CFAP298: variants seen among roughly 807,000 people sequenced by gnomAD.
The protein encoded by CFAP298 is cilia- and flagella-associated protein 298.
Under a neutral mutation model 41.0 loss-of-function variants are expected in CFAP298, and 38 were observed. The ratio of observed to expected loss-of-function variants is 0.93; its 90% CI spans 0.72 to 1.22. The LOEUF (loss-of-function observed/expected upper bound fraction) is 1.22, where lower values mean the gene tolerates loss of function less well. Ranked by LOEUF, CFAP298 falls within the 50% of genes most tolerant of loss-of-function variation. The pLI, the probability that CFAP298 is intolerant of heterozygous loss-of-function variation, is 0.00. For missense variants in CFAP298, 348 were observed against 360.3 expected (o/e 0.97, Z 0.28); for synonymous variants, 137 against 135.3 (o/e 1.01, Z -0.09).
intron 4 of CFAP298, 89 bp from the exon 5 acceptor site, chr21:32,603,381 C>T: frequency 1.4e-6 from 2 of 1,427,604 alleles, no homozygotes; most frequent in Non-Finnish European, 1.9e-6. Context: ...GGGCAGGGGA[C>T]AGATTTCTCC....
intron 1 of CFAP298, among the ~76,000 whole-genome samples, chr21:32,610,396 G>C (rs1210921328): frequency 6.6e-6 from 1 of 152,104 alleles, no homozygotes; most frequent in Non-Finnish European, 1.5e-5. Context: ...GTAGAGACTG[G>C]GTTTCACCAT....
At chr21:32,609,611 A>G (rs529323580) in intron 2 of CFAP298, among the ~76,000 whole-genome samples, 1 of 152,318 alleles carries the variant, frequency 6.6e-6, no homozygotes, top group African/African-American at 2.4e-5. Flanking sequence ...CTAAAAATAC[A>G]AAAATTAGTC....
intron 3 of CFAP298, 163 bp from the exon 4 acceptor site, chr21:32,604,446 A>C: frequency 1.4e-6 from 1 of 725,186 alleles, no homozygotes; most frequent in East Asian, 2.7e-5. Context: ...GGGCTGAGCG[A>C]AGCACACCGT....
At chr21:32,604,756 T>C (rs989003063) in intron 3 of CFAP298, among the ~76,000 whole-genome samples, 1 of 152,250 alleles carries the variant, frequency 6.6e-6, no homozygotes, top group Admixed American at 6.5e-5. Flanking sequence ...AGCTGAAGTT[T>C]GTTTTTGAAT....
chr21:32,603,384 A>C, intron 4 of CFAP298, 92 bp from the exon 5 acceptor site: 1 of 1,418,392 alleles, frequency 7.1e-7, no homozygotes, highest in Non-Finnish European at 9.7e-7. Context: ...CAGGGGACAG[A>C]TTTCTCCCCG....
chr21:32,609,739 T>A (rs1008944644), intron 2 of CFAP298, 99 bp downstream of exon 2: 4 of 1,120,284 alleles, frequency 3.6e-6, no homozygotes, highest in Non-Finnish European at 5.1e-6. Flanking sequence ...CACTCCAGCC[T>A]GGGCTAGAGC....
chr21:32,606,323 G>A (rs2038866067), intron 3 of CFAP298, among the ~76,000 whole-genome samples: 1 of 152,218 alleles, frequency 6.6e-6, no homozygotes, highest in African/African-American at 2.4e-5. Context: ...TCTGCAGAGG[G>A]TGGAATTTGC....
In CFAP298 at chr21:32,601,422, C is replaced by T. The variant is rs1182021758; in HGVS notation, c.*441G>A. Among the ~76,000 whole-genome samples the T allele has an allele frequency of 2.6e-5, 4 of 151,510 alleles. No homozygotes were observed. The highest frequency in any genetic ancestry group is 4.4e-5 in the Non-Finnish European group (3 of 67,892). ...ACGCCATTCTCCTGCCTCAGCCTCCCGAGTAGCTGGGACTACAGGCGCCTG... is the reference window on the plus strand; with the variant it reads ...ACGCCATTCTCCTGCCTCAGCCTCCTGAGTAGCTGGGACTACAGGCGCCTG... On this transcript the variant is annotated 3_prime_UTR_variant, in exon 7 of 7. Coordinates refer to ENST00000290155, the MANE Select transcript of CFAP298 (RefSeq NM_021254.4).
chr21:32,603,134 T>C, intron 5 of CFAP298, 27 bp downstream of exon 5: 1 of 1,613,836 alleles, frequency 6.2e-7, no homozygotes, highest in Non-Finnish European at 8.5e-7. Flanking sequence ...CAAAAACTAC[T>C]GACACATTAA....
chr21:32,604,613 G>T (rs1340108804), intron 3 of CFAP298: 1 of 291,336 alleles, frequency 3.4e-6, no homozygotes, highest in Non-Finnish European at 6.6e-6. Flanking sequence ...GGTGGGCCTC[G>T]AAATGCAGAT....
intron 1 of CFAP298, among the ~76,000 whole-genome samples, chr21:32,611,404 T>C (rs1601167988): frequency 6.9e-6 from 1 of 144,406 alleles, no homozygotes; most frequent in East Asian, 2.0e-4. Flanking sequence ...ATATATATGG[T>C]ATTTATTTAT....
At position 32,611,341 on chromosome 21, in the gene CFAP298, T is replaced by TATATATATATATATATATATA. The variant is rs1491095261; in HGVS notation, c.139+763_139+764insTATATATATATATATATATAT. 1.6e-3 allele frequency among the ~76,000 whole-genome samples: 191 copies of TATATATATATATATATATATA among 118,226 alleles called. 10 individuals carry two copies. Among genetic ancestry groups the TATATATATATATATATATATA allele is most frequent in the African/African-American group, 4.0e-3 (97 of 24,456 alleles). The allele number at this position is 118,226 out of a possible 152,430, so 77.6% of individuals were successfully genotyped here. A position where few individuals can be genotyped will look rare whatever the true frequency, so the allele number is the denominator to read the frequency against. On this transcript the variant is annotated intron_variant, in intron 1 of 6. Transcript: ENST00000290155. ...ACCATATATATATATATATATATAA[T>TATATATATATATATATATATA]TTATTTATATTTATATATACATATA...
At chr21:32,611,344 A>ATATATATATATATATATATATATAT (rs2038992593) in intron 1 of CFAP298, among the ~76,000 whole-genome samples, 2 of 110,226 alleles carry the variant, frequency 1.8e-5, no homozygotes, top group African/African-American at 9.9e-5. Flanking sequence ...TATATAATTT[A>ATATATATATATATATATATATATAT]TTTATATTTA....
intron 1 of CFAP298, among the ~76,000 whole-genome samples, chr21:32,610,239 C>T (rs2038961085): frequency 6.6e-6 from 1 of 151,902 alleles, no homozygotes; most frequent in South Asian, 2.1e-4. Context: ...CTCTGTCACC[C>T]AGGCAGGAGT....
At chr21:32,604,687 G>A (rs1000472280) in intron 3 of CFAP298, among the ~76,000 whole-genome samples, 4 of 152,222 alleles carry the variant, frequency 2.6e-5, no homozygotes, top group Non-Finnish European at 5.9e-5. Context: ...AAAAGCAGGC[G>A]CCAGCCCCCT....
Position 32,601,953 on chromosome 21 carries a change from A to G in CFAP298, c.783T>C (p.Asp261=), listed in dbSNP as rs1188194073. Reference sequence around the variant, plus strand: ...CCCATGGTGAGTTTAAATAGGCATCATCATCATTTTCTTCCAATCTCTGGA... The same window carrying G: ...CCCATGGTGAGTTTAAATAGGCATCGTCATCATTTTCTTCCAATCTCTGGA... ...EELKRLEEND[D]DAYLNSPWAD... Residue 261 remains aspartate (D), a synonymous_variant, in exon 7 of 7, where the codon GAT becomes GAC. Transcript: ENST00000290155. 1.2e-6 allele frequency: 2 copies of G among 1,605,080 alleles called. No individual in the cohort carries two copies.
Position 32,599,753 on chromosome 21 carries a change from G to A in CFAP298, c.*2110C>T, listed in dbSNP as rs1052317548. Among the ~76,000 whole-genome samples the A allele has an allele frequency of 9.9e-5, 15 of 152,162 alleles. No homozygotes were observed. The highest frequency in any genetic ancestry group is 4.1e-4 in the South Asian group (2 of 4,824). ...CAGCGGGCACCACCTGCCCCCCGCC[G>A]TCACAGATGGCTTGCAAATAAGCTA... is the stretch of plus-strand genomic sequence containing the variant. On this transcript the variant is annotated 3_prime_UTR_variant, in exon 7 of 7. Transcript: ENST00000290155.
chr21:32,604,807 T>C (rs1264670565), intron 3 of CFAP298, among the ~76,000 whole-genome samples: 3 of 152,220 alleles, frequency 2.0e-5, no homozygotes, highest in African/African-American at 4.8e-5. Context: ...TTTCCTCTGT[T>C]AGGCCACGGG....
At chr21:32,610,837 AAATG>A (rs923525608) in intron 1 of CFAP298, among the ~76,000 whole-genome samples, 2 of 152,186 alleles carry the variant, frequency 1.3e-5, no homozygotes, top group African/African-American at 4.8e-5. Flanking sequence ...TAAATCACAT[AAATG>A]AATATACTAT....
Sources: allele counts gnomAD v4.1 joint callset (sites outside exome capture counted in the v4.1 genomes callset), GRCh38; gene constraint gnomAD v4.1.1; transcripts MANE v1.5; gene names NCBI Gene and HGNC (gene_info 2026-07-23, HGNC 2026-07-21).